DLG1: variants seen among roughly 807,000 people sequenced by gnomAD.
DLG1 encodes the protein discs large MAGUK scaffold protein 1, also known as disks large homolog 1.
DLG1 carries 42 observed loss-of-function variants against 123.4 expected under a neutral mutation model. That is an observed-to-expected ratio of 0.34 (90% CI 0.27 to 0.44). The LOEUF is 0.44. Among genes scored for constraint, DLG1 ranks in the 20% least tolerant of loss-of-function variants. The probability of loss-of-function intolerance (pLI) is 1.00; values close to 1 mark genes in which losing one functional copy is unlikely to be tolerated. For missense variants in DLG1, 942 were observed against 1,082.6 expected (o/e 0.87, Z 1.82); for synonymous variants, 317 against 356.2 (o/e 0.89, Z 1.24).
intron 5 of DLG1, among the ~76,000 whole-genome samples, chr3:197,175,091 C>T (rs534391682): frequency 1.3e-5 from 2 of 152,292 alleles, no homozygotes; most frequent in South Asian, 2.1e-4. Flanking sequence ...GGGCAAGTTG[C>T]GTGTATAGGC....
chr3:197,265,417 T>G (rs1050236228), intron 4 of DLG1, among the ~76,000 whole-genome samples: 1 of 152,158 alleles, frequency 6.6e-6, no homozygotes, highest in African/African-American at 2.4e-5. Flanking sequence ...AAAAGTTTCC[T>G]GGCTGTAGCA....
Position 197,047,593 on chromosome 3 carries a change from CT to C in DLG1, c.2576-2865del, listed in dbSNP as rs1233753177. ...AAGAATATTGGGGAGTTGCTACCTA[CT>C]TTTTTTTTTTTTAAACAAATAGTAT... On this transcript the variant is annotated intron_variant, in intron 24 of 24. Transcript: ENST00000667157. Among the ~76,000 whole-genome samples, 688 of 143,132 alleles carry C rather than the reference CT, an allele frequency of 4.8e-3. 2 individuals are homozygous for C. Among genetic ancestry groups the C allele is most frequent in the Middle Eastern group, 0.011 (3 of 272 alleles). 93.9% of individuals were successfully genotyped at this position (143,132 alleles called of 152,430 possible).
At chr3:197,289,254 G>GT (rs1553828400) in intron 3 of DLG1, among the ~76,000 whole-genome samples, 1 of 152,052 alleles carries the variant, frequency 6.6e-6, no homozygotes, top group African/African-American at 2.4e-5. Context: ...CTGATTTTAA[G>GT]TATCAATTCT....
At chr3:197,266,398 A>G (rs1761711310) in intron 4 of DLG1, among the ~76,000 whole-genome samples, 1 of 152,060 alleles carries the variant, frequency 6.6e-6, no homozygotes. Flanking sequence ...ATAAAAACGA[A>G]ACTATCGAGA....
intron 5 of DLG1, among the ~76,000 whole-genome samples, chr3:197,176,934 C>T (rs1418600759): frequency 1.3e-5 from 2 of 151,700 alleles, no homozygotes; most frequent in Non-Finnish European, 2.9e-5. Context: ...CTAGAGTGTC[C>T]TATTGAACAA....
chr3:197,091,069 A>G (rs1048217306), intron 14 of DLG1, 43 bp from the exon 15 acceptor site: 6 of 1,358,826 alleles, frequency 4.4e-6, no homozygotes, highest in Admixed American at 1.7e-5. Flanking sequence ...ATTTTCAAAA[A>G]ATAAGTTATT....
Position 197,232,471 on chromosome 3 carries a change from G to A in DLG1, c.319-37882C>T, listed in dbSNP as rs550968493. ...AAAGCTGGAACTGGGCTCAGTATTA[G>A]GTTTATAGCTCTATGCTTAAATATT... On this transcript the variant is annotated intron_variant, in intron 4 of 24. Coordinates refer to ENST00000667157, the MANE Select transcript of DLG1 (RefSeq NM_001366207.1). 3.3e-5 allele frequency among the ~76,000 whole-genome samples: 5 copies of A among 151,766 alleles called. No homozygotes were observed. The East Asian group carries it at 7.7e-4, about 23-fold the overall frequency.
At chr3:197,123,106 A>G (rs1192126914) in intron 11 of DLG1, among the ~76,000 whole-genome samples, 1 of 152,172 alleles carries the variant, frequency 6.6e-6, no homozygotes, top group African/African-American at 2.4e-5. Flanking sequence ...GATCAATTAT[A>G]TATCTGCATA....
At chr3:197,261,553 T>G (rs1246852874) in intron 4 of DLG1, among the ~76,000 whole-genome samples, 3 of 152,238 alleles carry the variant, frequency 2.0e-5, no homozygotes, top group Non-Finnish European at 2.9e-5. Flanking sequence ...ACAGATATTA[T>G]GAATGACCTC....
At chr3:197,151,418 C>G (rs1185437239) in intron 5 of DLG1, among the ~76,000 whole-genome samples, 1 of 152,040 alleles carries the variant, frequency 6.6e-6, no homozygotes, top group Admixed American at 6.5e-5. Context: ...ATAGAAGTTA[C>G]CTTTTGATTC....
At chr3:197,101,271 C>T (rs765674825) in intron 14 of DLG1, among the ~76,000 whole-genome samples, 3 of 152,088 alleles carry the variant, frequency 2.0e-5, no homozygotes, top group Admixed American at 6.5e-5. Context: ...CAACGTAAAA[C>T]GGGGATAACG....
At chr3:197,197,090 C>T (rs983517094) in intron 4 of DLG1, among the ~76,000 whole-genome samples, 19 of 151,732 alleles carry the variant, frequency 1.3e-4, no homozygotes, top group Admixed American at 1.0e-3. Flanking sequence ...TTTTTTATTC[C>T]CTATAATTAT....
At chr3:197,250,103 A>C (rs1380049670) in intron 4 of DLG1, among the ~76,000 whole-genome samples, 1 of 152,204 alleles carries the variant, frequency 6.6e-6, no homozygotes, top group African/African-American at 2.4e-5. Context: ...GAAAAGGAAG[A>C]AGTCAAATTA....
At chr3:197,163,672 C>T (rs530979082) in intron 5 of DLG1, among the ~76,000 whole-genome samples, 2 of 149,870 alleles carry the variant, frequency 1.3e-5, no homozygotes, top group South Asian at 4.3e-4. Context: ...CAGGCACCTG[C>T]CACCATGCTC....
At chr3:197,185,310 T>C (rs541591426) in intron 5 of DLG1, among the ~76,000 whole-genome samples, 8 of 152,312 alleles carry the variant, frequency 5.3e-5, no homozygotes, top group South Asian at 2.1e-4. Context: ...ACTGCAAATC[T>C]TGACTCCGCA....
rs143217448 is a variant in DLG1 at position 197,191,236 on chromosome 3, A to C, written c.483+3189T>G. 2.1e-4 allele frequency among the ~76,000 whole-genome samples: 32 copies of C among 152,250 alleles called. No individual in the cohort carries two copies. In the East Asian group the frequency reaches 6.2e-3, roughly 29 times the overall value. ...ATACACCCTTGCATAAGGGAAACGG[A>C]AGACTCTGGAGAGGCCTAAACCCTT... On this transcript the variant is annotated intron_variant, in intron 5 of 24. Coordinates refer to ENST00000667157, the MANE Select transcript of DLG1 (RefSeq NM_001366207.1).
intron 4 of DLG1, among the ~76,000 whole-genome samples, chr3:197,246,793 ACAG>A (rs1385287415): frequency 1.3e-5 from 2 of 152,230 alleles, no homozygotes; most frequent in African/African-American, 4.8e-5. Flanking sequence ...TCAGAAGTCC[ACAG>A]AAGAGGGTCA....
intron 1 of DLG1, chr3:197,298,130 C>G (rs945068717): frequency 1.0e-5 from 2 of 200,614 alleles, no homozygotes; most frequent in Non-Finnish European, 1.9e-5. Context: ...TGGCGGCCCC[C>G]GAGCTGGCCT....
At chr3:197,183,605 G>C (rs1301566462) in intron 5 of DLG1, 1 of 1,550,492 alleles carries the variant, frequency 6.4e-7, no homozygotes, top group Non-Finnish European at 8.7e-7. Flanking sequence ...CCGAGATGCA[G>C]TCAATAAAGC....
Sources: gnomAD v4.1 joint callset for allele counts (sites outside exome capture counted in the v4.1 genomes callset) on GRCh38, gnomAD v4.1.1 for gene constraint, MANE v1.5 for transcripts, NCBI Gene and HGNC (gene_info 2026-07-23, HGNC 2026-07-21) for gene names.